The following TENM2 variants were observed in gnomAD, a reference collection of about 807,000 sequenced individuals.
The protein encoded by TENM2 is teneurin transmembrane protein 2.
In TENM2, 52 loss-of-function variants were observed where a neutral mutation model predicts 245.2. That is an observed-to-expected ratio of 0.21 (90% CI 0.17 to 0.27). TENM2 has a LOEUF of 0.27. Among genes scored for constraint, TENM2 ranks in the 10% least tolerant of loss-of-function variants. The pLI is 1.00. For missense variants in TENM2, 3,046 were observed against 3,666.8 expected, an observed-to-expected ratio of 0.83 and a Z score of 4.37; for synonymous variants, 1,363 against 1,438.9, an observed-to-expected ratio of 0.95 and a Z score of 1.19.
chr5:167,171,920 T>A, the TENM2 span, among the ~76,000 whole-genome samples: 1 of 152,104 alleles, frequency 6.6e-6, no homozygotes, highest in East Asian at 1.9e-4. Context: ...AAAGACAAAC[T>A]AATAAAAGAT....
intron 2 of TENM2, among the ~76,000 whole-genome samples, chr5:167,839,080 TA>T (rs1317668724): frequency 6.6e-6 from 1 of 152,232 alleles, no homozygotes; most frequent in Non-Finnish European, 1.5e-5. Flanking sequence ...TGTTGATAAG[TA>T]TTGTCATTGT....
At chr5:167,288,310 A>G (rs1754411902) in intron 1 of TENM2, among the ~76,000 whole-genome samples, 1 of 152,192 alleles carries the variant, frequency 6.6e-6, no homozygotes, top group African/African-American at 2.4e-5. Flanking sequence ...CTGTAATCCC[A>G]GCACTTTGGG....
At chr5:167,182,326 A>G in the TENM2 span, among the ~76,000 whole-genome samples, 1 of 152,098 alleles carries the variant, frequency 6.6e-6, no homozygotes, top group African/African-American at 2.4e-5. Context: ...ACTTCAGTGT[A>G]TCCATTAAGC....
chr5:167,125,780 C>T, the TENM2 span, among the ~76,000 whole-genome samples: 1 of 152,144 alleles, frequency 6.6e-6, no homozygotes, highest in Non-Finnish European at 1.5e-5. Flanking sequence ...TTCCCTAGGT[C>T]TCTTATACAA....
intron 2 of TENM2, among the ~76,000 whole-genome samples, chr5:167,822,310 G>A (rs1440562796): frequency 6.6e-6 from 1 of 152,118 alleles, no homozygotes; most frequent in Non-Finnish European, 1.5e-5. Context: ...TTTTAAACAT[G>A]CAAAAACTGG....
rs149994226 is a variant in TENM2 at position 167,371,583 on chromosome 5, A to T, written c.227-3615A>T. On this transcript the variant is annotated intron_variant, in intron 1 of 28. Coordinates refer to ENST00000518659, the Ensembl canonical transcript of TENM2. ...TCCATGTTTGTCAGGCTGGTCTCGA[A>T]CTCTTGACCTCAGGTGATCAGCCTG... Among the ~76,000 whole-genome samples the T allele has an allele frequency of 7.3e-3, 1,108 of 151,568 alleles. 14 individuals are homozygous for T. Among genetic ancestry groups the T allele is most frequent in the African/African-American group, 0.026 (1,062 of 41,304 alleles).
intron 7 of TENM2, among the ~76,000 whole-genome samples, chr5:168,070,618 C>CA (rs36098821): frequency 0.75 from 100,217 of 132,812 alleles, 37,777 homozygotes; most frequent in Non-Finnish European, 0.8. Flanking sequence ...TCATCTCTAC[C>CA]AAAAAAAAAA....
Position 168,040,725 on chromosome 5 carries a change from T to C in TENM2, c.1187-6702T>C, listed in dbSNP as rs1038714753. Among the ~76,000 whole-genome samples the C allele has an allele frequency of 2.0e-5, 3 of 152,242 alleles. No homozygotes were observed. In the East Asian group the frequency reaches 5.8e-4, roughly 29 times the overall value. Reference sequence around the variant, plus strand: ...TTCAGGCTGAAGGTAATTTTGGCACTGACAGCATTCCTAAAAATAATAATA... The same window carrying C: ...TTCAGGCTGAAGGTAATTTTGGCACCGACAGCATTCCTAAAAATAATAATA... On this transcript the variant is annotated intron_variant, in intron 5 of 28. Coordinates refer to ENST00000518659, the Ensembl canonical transcript of TENM2.
At chr5:168,150,227 C>G (rs759428309) in intron 12 of TENM2, among the ~76,000 whole-genome samples, 5 of 152,130 alleles carry the variant, frequency 3.3e-5, no homozygotes, top group African/African-American at 9.7e-5. Flanking sequence ...AATAGGTGCT[C>G]GATAAATAAT....
chr5:167,214,897 C>T, the TENM2 span, among the ~76,000 whole-genome samples: 1 of 152,124 alleles, frequency 6.6e-6, no homozygotes, highest in African/African-American at 2.4e-5. Flanking sequence ...TCATCTTGTC[C>T]CTTTCTTTAG....
intron 2 of TENM2, among the ~76,000 whole-genome samples, chr5:167,866,673 G>A (rs1399478454): frequency 2.6e-5 from 4 of 152,114 alleles, no homozygotes; most frequent in African/African-American, 9.7e-5. Context: ...TATACTATAG[G>A]CAATGGAAAG....
intron 2 of TENM2, among the ~76,000 whole-genome samples, chr5:167,791,844 T>C (rs542147861): frequency 6.6e-6 from 1 of 152,114 alleles, no homozygotes; most frequent in Admixed American, 6.6e-5. Flanking sequence ...CACATCCCCA[T>C]GTGTCTCAGA....
intron 2 of TENM2, among the ~76,000 whole-genome samples, chr5:167,749,691 T>G (rs1411521954): frequency 6.6e-6 from 1 of 151,880 alleles, no homozygotes; most frequent in Non-Finnish European, 1.5e-5. Context: ...GGCTGAGTAG[T>G]TTTGCACATT....
chr5:167,580,621 G>C (rs1193389772), intron 2 of TENM2, among the ~76,000 whole-genome samples: 2 of 152,222 alleles, frequency 1.3e-5, no homozygotes, highest in African/African-American at 4.8e-5. Flanking sequence ...TGCAGAATAG[G>C]ACAGGAGTCA....
At chr5:167,196,586 T>C in the TENM2 span, among the ~76,000 whole-genome samples, 5 of 144,654 alleles carry the variant, frequency 3.5e-5, no homozygotes, top group African/African-American at 1.4e-4. Context: ...ATATATATGC[T>C]TTCTTACACA....
chr5:168,247,006 G>A lies in TENM2; in HGVS notation c.6067G>A (p.Gly2023Arg). The change falls in exon 27 of 29, where the codon GGG (glycine) becomes AGG (arginine). Residue 2023 changes from glycine to arginine, a missense_variant. Gly to Arg is a moderately radical substitution (Grantham distance 125). Transcript: ENST00000518659. This position sits in a 1 kb window ranked among gnomAD's most constrained non-coding sequence, Gnocchi z 7.8. ...CGGACGCCAGGTGTTCTACAAGTAT[G>A]GGAAACTCTCCAAGTTATCAGAGAT... 1 of 1,613,952 alleles carries A rather than the reference G, an allele frequency of 6.2e-7. No individual in the cohort carries two copies. Among genetic ancestry groups the A allele is most frequent in the Non-Finnish European group, 8.5e-7 (1 of 1,179,894 alleles).
At chr5:167,786,903 C>T (rs1040327959) in intron 2 of TENM2, among the ~76,000 whole-genome samples, 3 of 152,176 alleles carry the variant, frequency 2.0e-5, no homozygotes, top group Admixed American at 6.5e-5. Flanking sequence ...AAAGTTAACC[C>T]GTTATAGAAT....
intron 3 of TENM2, among the ~76,000 whole-genome samples, chr5:167,924,685 G>A (rs1360734428): frequency 6.6e-6 from 1 of 152,192 alleles, no homozygotes; most frequent in East Asian, 1.9e-4. Context: ...CGCCTGGAGA[G>A]CTTGAGATTG....
intron 3 of TENM2, among the ~76,000 whole-genome samples, chr5:167,895,777 C>T (rs999734622): frequency 6.6e-6 from 1 of 152,188 alleles, no homozygotes; most frequent in Non-Finnish European, 1.5e-5. Context: ...CCTGCGATTC[C>T]TGTTTAATGA....
Sources: gnomAD v4.1 joint callset for allele counts (sites outside exome capture counted in the v4.1 genomes callset) on GRCh38, gnomAD v4.1.1 for gene constraint, Gnocchi (gnomAD v3.1) non-coding constraint, MANE v1.5 for transcripts, NCBI Gene and HGNC (gene_info 2026-07-23, HGNC 2026-07-21) for gene names.